SHC3: variants seen among roughly 807,000 people sequenced by gnomAD.
SHC3 encodes the protein SHC-transforming protein 3.
A neutral mutation model predicts 60.4 loss-of-function variants in SHC3; 15 were observed. The observed-to-expected ratio is 0.25, with a 90% confidence interval of 0.17 to 0.38. The LOEUF (loss-of-function observed/expected upper bound fraction) is 0.38, where lower values mean the gene tolerates loss of function less well. SHC3 is among the 10% of genes least tolerant of loss of function. The probability of loss-of-function intolerance (pLI) is 1.00; values close to 1 mark genes in which losing one functional copy is unlikely to be tolerated. For missense variants in SHC3, 677 were observed against 786.1 expected (o/e 0.86, Z 1.66); for synonymous variants, 294 against 325.9 (o/e 0.90, Z 1.05).
intron 1 of SHC3, among the ~76,000 whole-genome samples, chr9:89,125,879 C>T (rs1012254645): frequency 2.0e-5 from 3 of 152,178 alleles, no homozygotes; most frequent in Admixed American, 1.3e-4. Context: ...CAAAAAATAA[C>T]CATAAAAATG....
intron 11 of SHC3, among the ~76,000 whole-genome samples, chr9:89,025,075 C>T (rs963717688): frequency 1.3e-5 from 2 of 152,186 alleles, no homozygotes; most frequent in Non-Finnish European, 2.9e-5. Flanking sequence ...TTAATGACGA[C>T]ACTCCATCAA....
chr9:89,147,700 A>C (rs1185152282), intron 1 of SHC3, among the ~76,000 whole-genome samples: 1 of 152,100 alleles, frequency 6.6e-6, no homozygotes, highest in Non-Finnish European at 1.5e-5. Flanking sequence ...TATTACACCA[A>C]AAAGGTAGGC....
intron 2 of SHC3, among the ~76,000 whole-genome samples, chr9:89,094,541 G>C (rs1231197459): frequency 4.6e-5 from 7 of 152,230 alleles, no homozygotes; most frequent in Admixed American, 2.6e-4. Flanking sequence ...GACATTTATA[G>C]AGTGTTTACT....
intron 1 of SHC3, among the ~76,000 whole-genome samples, chr9:89,127,715 C>T (rs776708367): frequency 2.0e-5 from 3 of 151,764 alleles, no homozygotes; most frequent in Admixed American, 1.3e-4. Context: ...CTTGCCTCTT[C>T]GCATGTTTGT....
rs1191944540 is a variant in SHC3 at position 89,008,075 on chromosome 9, T to C, written c.*5372A>G. ...GTATATGCGTATATGTATATACATA[T>C]GCAATTCACATTCACAAGTCCTGGT... On this transcript the variant is annotated 3_prime_UTR_variant, in exon 12 of 12. Transcript: ENST00000375835. 1 of 152,238 alleles carries C rather than the reference T, an allele frequency of 6.6e-6. No individual in the cohort carries two copies. The highest frequency in any genetic ancestry group is 1.5e-5 in the Non-Finnish European group (1 of 68,036). 9.4% of individuals were successfully genotyped at this position (152,238 alleles called of 1,614,324 possible).
intron 1 of SHC3, among the ~76,000 whole-genome samples, chr9:89,124,675 C>T (rs145129501): frequency 0.028 from 4,203 of 151,824 alleles, 90 homozygotes; most frequent in Non-Finnish European, 0.043. Flanking sequence ...CATCACACAC[C>T]GGGGCCTGTC....
chr9:89,020,329 G>A (rs959578745), intron 11 of SHC3, among the ~76,000 whole-genome samples: 2 of 152,006 alleles, frequency 1.3e-5, no homozygotes, highest in African/African-American at 4.8e-5. Context: ...AGGCAGCAGG[G>A]CAGGGAGGTG....
Position 89,005,837 on chromosome 9 carries a change from T to G in SHC3, c.*7610A>C, listed in dbSNP as rs148557305. The G allele has an allele frequency of 2.0e-5, 3 of 152,362 alleles. No individual in the cohort carries two copies. The highest frequency in any genetic ancestry group is 7.2e-5 in the African/African-American group (3 of 41,580). The allele number at this position is 152,362 out of a possible 1,614,324, so 9.4% of individuals were successfully genotyped here. A position where few individuals can be genotyped will look rare whatever the true frequency, so the allele number is the denominator to read the frequency against. On this transcript the variant is annotated 3_prime_UTR_variant, in exon 12 of 12. Transcript: ENST00000375835. The stretch of plus-strand genomic sequence containing the variant: ...ATAGTCCTTTAAACAATTAACTGTT[T>G]AGAAAATGGTTGTTTCTCTCAACCC...
intron 11 of SHC3, among the ~76,000 whole-genome samples, chr9:89,026,800 C>T (rs1826314351): frequency 6.6e-6 from 1 of 152,230 alleles, no homozygotes; most frequent in Non-Finnish European, 1.5e-5. Context: ...TGAGCCTGAC[C>T]TTGAATCCCT....
chr9:89,121,347 A>G (rs1166176287), intron 1 of SHC3, among the ~76,000 whole-genome samples: 3 of 151,798 alleles, frequency 2.0e-5, no homozygotes, highest in Admixed American at 1.3e-4. Flanking sequence ...CTGGAGTGCA[A>G]TGGCACGATC....
At chr9:89,136,388 T>C (rs1458653787) in intron 1 of SHC3, among the ~76,000 whole-genome samples, 4 of 152,196 alleles carry the variant, frequency 2.6e-5, no homozygotes, top group Non-Finnish European at 5.9e-5. Flanking sequence ...AAGACCTTGC[T>C]GATAAAACAG....
At chr9:89,053,616 G>A (rs1340416956) in intron 6 of SHC3, among the ~76,000 whole-genome samples, 1 of 152,136 alleles carries the variant, frequency 6.6e-6, no homozygotes, top group Non-Finnish European at 1.5e-5. Context: ...TTCTGCTTTG[G>A]GGGGCAATGC....
intron 2 of SHC3, among the ~76,000 whole-genome samples, chr9:89,110,598 T>C (rs1825933461): frequency 6.6e-6 from 1 of 152,170 alleles, no homozygotes; most frequent in Non-Finnish European, 1.5e-5. Context: ...ATTGTTTCCT[T>C]TGAGTGACCT....
At chr9:89,118,331 C>T (rs1222497927) in intron 1 of SHC3, among the ~76,000 whole-genome samples, 2 of 150,054 alleles carry the variant, frequency 1.3e-5, no homozygotes, top group Non-Finnish European at 3.0e-5. Flanking sequence ...GAAAGCTAAA[C>T]AATGGAGCCC....
chr9:89,063,986 C>T (rs1470552701), intron 6 of SHC3, among the ~76,000 whole-genome samples: 1 of 152,206 alleles, frequency 6.6e-6, no homozygotes, highest in African/African-American at 2.4e-5. Context: ...AAGGTGCCAG[C>T]AGACTTGATG....
At chr9:89,110,782 T>C (rs544288180) in intron 2 of SHC3, among the ~76,000 whole-genome samples, 33 of 152,262 alleles carry the variant, frequency 2.2e-4, no homozygotes, top group African/African-American at 7.9e-4. Flanking sequence ...AATGCTCCAC[T>C]TGTCCCATTA....
At chr9:89,035,949 A>T (rs926115361) in intron 11 of SHC3, among the ~76,000 whole-genome samples, 1 of 151,094 alleles carries the variant, frequency 6.6e-6, no homozygotes, top group Non-Finnish European at 1.5e-5. Flanking sequence ...TAAAGTCTAC[A>T]TGTGAAAGAT....
At chr9:89,119,657 C>T (rs1564158500) in intron 1 of SHC3, among the ~76,000 whole-genome samples, 1 of 152,172 alleles carries the variant, frequency 6.6e-6, no homozygotes, top group Non-Finnish European at 1.5e-5. Context: ...ACATGTCATG[C>T]TTTCTGGATT....
chr9:89,025,323 G>A (rs926204404), intron 11 of SHC3, among the ~76,000 whole-genome samples: 1 of 152,026 alleles, frequency 6.6e-6, no homozygotes, highest in Non-Finnish European at 1.5e-5. Flanking sequence ...GTAGGCTCAT[G>A]CCTGGATCCA....
Sources: allele counts gnomAD v4.1 joint callset (sites outside exome capture counted in the v4.1 genomes callset), GRCh38; gene constraint gnomAD v4.1.1; transcripts MANE v1.5; gene names NCBI Gene and HGNC (gene_info 2026-07-23, HGNC 2026-07-21).